Variants in FGF2 observed in about 807,000 individuals in gnomAD.
FGF2 encodes fibroblast growth factor 2, also known as basic fibroblast growth factor bFGF.
FGF2 carries 13 observed loss-of-function variants against 15.9 expected under a neutral mutation model. That is an observed-to-expected ratio of 0.82 (90% confidence interval 0.53 to 1.30). The LOEUF (loss-of-function observed/expected upper bound fraction) is 1.30, where lower values mean the gene tolerates loss of function less well. Ranked by LOEUF, FGF2 falls within the 50% of genes most tolerant of loss-of-function variation. FGF2 has a pLI of 0.00. For synonymous variants in FGF2, 90 were observed against 78.4 expected (o/e 1.15, Z -0.78); for missense variants, 163 against 196.9 (o/e 0.83, Z 1.03).
intron 1 of FGF2, among the ~76,000 whole-genome samples, chr4:122,863,368 G>C (rs1222647511): frequency 6.6e-6 from 1 of 151,914 alleles, no homozygotes; most frequent in African/African-American, 2.4e-5. Context: ...GCAATTACTT[G>C]CTAAAGAAAT....
chr4:122,887,395 A>G (rs56137523), intron 2 of FGF2, among the ~76,000 whole-genome samples: 9,584 of 152,152 alleles, frequency 0.063, 756 homozygotes, highest in African/African-American at 0.19. Flanking sequence ...ATCAATAACA[A>G]ATGAATATTT....
At chr4:122,861,076 A>G (rs991451159) in intron 1 of FGF2, among the ~76,000 whole-genome samples, 3 of 152,174 alleles carry the variant, frequency 2.0e-5, no homozygotes, top group South Asian at 2.1e-4. Flanking sequence ...TTCTTGCTCT[A>G]CATCCTATAC....
At chr4:122,874,279 T>C (rs1726795029) in intron 1 of FGF2, among the ~76,000 whole-genome samples, 1 of 152,268 alleles carries the variant, frequency 6.6e-6, no homozygotes, top group Non-Finnish European at 1.5e-5. Context: ...GCTTATTTTC[T>C]GCATTTTCCA....
At chr4:122,886,010 T>C (rs1010497037) in intron 2 of FGF2, among the ~76,000 whole-genome samples, 1 of 150,666 alleles carries the variant, frequency 6.6e-6, no homozygotes, top group African/African-American at 2.4e-5. Flanking sequence ...TCTTGAATTC[T>C]TGGGCTCAAG....
intron 2 of FGF2, among the ~76,000 whole-genome samples, chr4:122,876,855 G>A (rs1460792443): frequency 1.3e-5 from 2 of 152,220 alleles, no homozygotes; most frequent in Non-Finnish European, 2.9e-5. Context: ...AGTTGAGAAT[G>A]TAAGCTTTCT....
chr4:122,886,675 G>A (rs1314512686), intron 2 of FGF2, among the ~76,000 whole-genome samples: 1 of 151,754 alleles, frequency 6.6e-6, no homozygotes, highest in Non-Finnish European at 1.5e-5. Flanking sequence ...TTGGCCATTG[G>A]GAGCTCTTTC....
At position 122,830,672 on chromosome 4, in the gene FGF2, A is replaced by G. The variant is rs531686558; in HGVS notation, c.178+3320A>G. 9.2e-5 allele frequency among the ~76,000 whole-genome samples: 14 copies of G among 152,240 alleles called. No individual in the cohort carries two copies. In the East Asian group the frequency reaches 2.5e-3, roughly 27 times the overall value. ...ATGGATAATATTAAGTATGTACTCT[A>G]AAGTAGCAAGCTGTGTAAAAACATT... On this transcript the variant is annotated intron_variant, in intron 1 of 2. Coordinates refer to ENST00000644866, the MANE Select transcript of FGF2 (RefSeq NM_001361665.2).
Position 122,827,638 on chromosome 4 carries a change from T to C in FGF2, c.178+286T>C, listed in dbSNP as rs1725672298. On this transcript the variant is annotated intron_variant, in intron 1 of 2. Transcript: ENST00000644866. This position sits in a 1 kb window ranked among gnomAD's most constrained non-coding sequence, Gnocchi z 4.2. ...GCGCGCCGGGGCCTCGCGGACTGGC[T>C]GTCTTCCCGCGGACAACCTGTCGCG... Among the ~76,000 whole-genome samples the C allele has an allele frequency of 6.6e-6, 1 of 152,140 alleles. No individual in the cohort carries two copies. Among genetic ancestry groups the C allele is most frequent in the African/African-American group, 2.4e-5 (1 of 41,432 alleles).
chr4:122,848,278 C>G (rs1269594588), intron 1 of FGF2, among the ~76,000 whole-genome samples: 1 of 152,238 alleles, frequency 6.6e-6, no homozygotes, highest in Non-Finnish European at 1.5e-5. Context: ...TCCAGGGGCA[C>G]ATGGAGTCCA....
In FGF2 at chr4:122,893,014, C is replaced by T. The variant is rs760186313; in HGVS notation, c.*618C>T. 32 of 1,614,014 alleles carry T rather than the reference C, an allele frequency of 2.0e-5. No homozygotes were observed. Among genetic ancestry groups the T allele is most frequent in the Middle Eastern group, 1.6e-4 (1 of 6,084 alleles). On this transcript the variant is annotated 3_prime_UTR_variant, in exon 3 of 3. Transcript: ENST00000644866. Reference sequence around the variant, plus strand: ...TGATGGGAGTTGTATTTTCAGTCTTCGCCAGGTCATTGAGATCCATCCACT... The same window carrying T: ...TGATGGGAGTTGTATTTTCAGTCTTTGCCAGGTCATTGAGATCCATCCACT...
chr4:122,894,421 A>G lies in FGF2; in HGVS notation c.*2025A>G, dbSNP rs1161360267. On this transcript the variant is annotated 3_prime_UTR_variant, in exon 3 of 3. Coordinates refer to ENST00000644866, the MANE Select transcript of FGF2 (RefSeq NM_001361665.2). ...ACCTGGTGAAACCCCGTCTCTACAAAAAAACACAAAAAATAGCCAGGCATG... is the reference window on the plus strand; with the variant it reads ...ACCTGGTGAAACCCCGTCTCTACAAGAAAACACAAAAAATAGCCAGGCATG... 2.6e-5 allele frequency: 4 copies of G among 152,246 alleles called. No individual in the cohort carries two copies. Among genetic ancestry groups the G allele is most frequent in the African/African-American group, 9.7e-5 (4 of 41,424 alleles). The allele number at this position is 152,246 out of a possible 1,614,324, so 9.4% of individuals were successfully genotyped here.
chr4:122,895,949 G>GT lies in FGF2; in HGVS notation c.*3557dup, dbSNP rs1727337497. 1 of 152,540 alleles carries GT rather than the reference G, an allele frequency of 6.6e-6. No homozygotes were observed. The highest frequency in any genetic ancestry group is 1.5e-5 in the Non-Finnish European group (1 of 68,020). The allele number at this position is 152,540 out of a possible 1,614,324, so 9.4% of individuals were successfully genotyped here. A position where few individuals can be genotyped will look rare whatever the true frequency, so the allele number is the denominator to read the frequency against. On this transcript the variant is annotated 3_prime_UTR_variant, in exon 3 of 3. Transcript: ENST00000644866. ...AGCTTCATCATTAAGAATATCTTTT[G>GT]TTTTATGTTGAGTTAGAAATGCCTT...
chr4:122,833,455 T>C (rs1231659182), intron 1 of FGF2, among the ~76,000 whole-genome samples: 1 of 152,156 alleles, frequency 6.6e-6, no homozygotes, highest in Non-Finnish European at 1.5e-5. Flanking sequence ...AATTAAATGA[T>C]AACTCAAATT....
At chr4:122,870,622 T>C (rs1225286866) in intron 1 of FGF2, among the ~76,000 whole-genome samples, 1 of 152,220 alleles carries the variant, frequency 6.6e-6, no homozygotes, top group African/African-American at 2.4e-5. Flanking sequence ...TAGAAGTGTT[T>C]ATTGTATTCT....
rs181316583 is a variant in FGF2 at position 122,866,040 on chromosome 4, A to T, written c.179-10281A>T. Among the ~76,000 whole-genome samples the T allele has an allele frequency of 1.3e-3, 200 of 152,326 alleles. 1 individual carries two copies. Among genetic ancestry groups the T allele is most frequent in the East Asian group, 9.5e-3 (49 of 5,178 alleles). On this transcript the variant is annotated intron_variant, in intron 1 of 2. Coordinates refer to ENST00000644866, the MANE Select transcript of FGF2 (RefSeq NM_001361665.2). Reference sequence around the variant, plus strand: ...CATTGATAAATTGGACTTCATGAAAATTTAAAGTGTTTATGCTTCAAAGGA... The same window carrying T: ...CATTGATAAATTGGACTTCATGAAATTTTAAAGTGTTTATGCTTCAAAGGA...
rs1433962100 is a variant in FGF2 at position 122,878,719 on chromosome 4, C to A, written c.282+2295C>A. 4.6e-5 allele frequency among the ~76,000 whole-genome samples: 7 copies of A among 152,208 alleles called. No homozygotes were observed. The East Asian group carries it at 5.8e-4, about 13-fold the overall frequency. On this transcript the variant is annotated intron_variant, in intron 2 of 2. Coordinates refer to ENST00000644866, the MANE Select transcript of FGF2 (RefSeq NM_001361665.2). ...CAGTTAGAAGGCCACTGTAATAGTC[C>A]AAGCAAGTCATGTTCTGATCCTGGC...
At chr4:122,875,802 G>A (rs760289425) in intron 1 of FGF2, among the ~76,000 whole-genome samples, 6 of 152,096 alleles carry the variant, frequency 3.9e-5, no homozygotes, top group African/African-American at 9.7e-5. Context: ...GAGAGACTCC[G>A]TCTCAAAAAG....
chr4:122,862,131 T>G, intron 1 of FGF2, among the ~76,000 whole-genome samples: 1 of 152,232 alleles, frequency 6.6e-6, no homozygotes, highest in East Asian at 1.9e-4. Context: ...TTCCTATTGC[T>G]TAGCACAGTA....
At chr4:122,849,334 A>G (rs1000775189) in intron 1 of FGF2, among the ~76,000 whole-genome samples, 2 of 152,184 alleles carry the variant, frequency 1.3e-5, no homozygotes, top group African/African-American at 2.4e-5. Flanking sequence ...CATCATTCTC[A>G]GCAAACTAAC....
Sources: gnomAD v4.1 joint callset for allele counts (sites outside exome capture counted in the v4.1 genomes callset) on GRCh38, gnomAD v4.1.1 for gene constraint, Gnocchi (gnomAD v3.1) non-coding constraint, MANE v1.5 for transcripts, NCBI Gene and HGNC (gene_info 2026-07-23, HGNC 2026-07-21) for gene names.